GLS2: variants seen among roughly 807,000 people sequenced by gnomAD.
GLS2 encodes the protein glutaminase liver isoform, mitochondrial.
GLS2 carries 52 observed loss-of-function variants against 79.0 expected under a neutral mutation model. That is an observed-to-expected ratio of 0.66 (90% CI 0.53 to 0.83). GLS2 has a LOEUF of 0.83. Ranked by LOEUF, GLS2 falls within the 40% of genes least tolerant of loss-of-function variation. The pLI is 0.00. For missense variants in GLS2, 561 were observed against 764.8 expected, an observed-to-expected ratio of 0.73 and a Z score of 3.14; for synonymous variants, 238 against 280.8, an observed-to-expected ratio of 0.85 and a Z score of 1.52.
chr12:56,474,472 C>T (rs1282941096), intron 12 of GLS2, 72 bp downstream of exon 12: 1 of 1,577,600 alleles, frequency 6.3e-7, no homozygotes, highest in Non-Finnish European at 8.6e-7. Context: ...CCACCTCTAT[C>T]TTGAGAGAGT....
In GLS2 at chr12:56,483,026, A is replaced by C. The variant is rs1364653279; in HGVS notation, c.183-2639T>G. On this transcript the variant is annotated intron_variant, in intron 1 of 17. Transcript: ENST00000311966. ...TACAGGTATACTCACACACCTCAAAAATAACATATTTACAATTATTCATCA... is the reference window on the plus strand; with the variant it reads ...TACAGGTATACTCACACACCTCAAACATAACATATTTACAATTATTCATCA... Among the ~76,000 whole-genome samples, 11 of 152,246 alleles carry C rather than the reference A, an allele frequency of 7.2e-5. No individual in the cohort carries two copies. In the South Asian group the frequency reaches 1.7e-3, roughly 23 times the overall value.
At chr12:56,486,854 C>T (rs1195356527) in intron 1 of GLS2, among the ~76,000 whole-genome samples, 1 of 151,930 alleles carries the variant, frequency 6.6e-6, no homozygotes. Flanking sequence ...AGTGAGACTC[C>T]GTCTCAAAAA....
intron 7 of GLS2, chr12:56,476,385 A>C (rs775345595): frequency 6.8e-5 from 15 of 221,462 alleles, no homozygotes; most frequent in Non-Finnish European, 1.2e-4. Flanking sequence ...CATTTTCCTG[A>C]CTCGAATCCT....
At chr12:56,475,559 C>T (rs1407997572) in intron 9 of GLS2, 65 bp downstream of exon 9, 2 of 1,526,630 alleles carry the variant, frequency 1.3e-6, no homozygotes, top group African/African-American at 1.4e-5. Context: ...TTCCTCTTGT[C>T]CCCATCCTAA....
intron 6 of GLS2, 105 bp from the exon 7 acceptor site, chr12:56,477,823 A>G (rs1363382317): frequency 6.5e-7 from 1 of 1,539,388 alleles, no homozygotes; most frequent in Non-Finnish European, 8.8e-7. Flanking sequence ...GGAGAAAGGC[A>G]TGACAGGGCT....
intron 4 of GLS2, 123 bp from the exon 5 acceptor site, chr12:56,478,385 T>C (rs768501959): frequency 2.1e-6 from 2 of 969,966 alleles, no homozygotes; most frequent in Non-Finnish European, 3.1e-6. Flanking sequence ...GGCAGAGGGG[T>C]TCCCTCCTGC....
chr12:56,479,392 T>C, intron 3 of GLS2: 1 of 535,080 alleles, frequency 1.9e-6, no homozygotes, highest in Admixed American at 3.7e-5. Context: ...AGACACTATG[T>C]CTTGGGATAT....
intron 1 of GLS2, among the ~76,000 whole-genome samples, chr12:56,485,711 G>A (rs1257107233): frequency 2.0e-5 from 3 of 151,992 alleles, no homozygotes; most frequent in African/African-American, 7.3e-5. Context: ...CTTTGTGTTG[G>A]GATATTTTCC....
At chr12:56,476,104 A>G in intron 7 of GLS2, 127 bp from the exon 8 acceptor site, 1 of 829,614 alleles carries the variant, frequency 1.2e-6, no homozygotes. Context: ...CAATTTTATA[A>G]TGGCCCTTTT....
At position 56,475,624 on chromosome 12, in the gene GLS2, G is replaced by A. The variant is rs147014907; in HGVS notation, c.929C>T (p.Thr310Ile). 14 of 1,613,906 alleles carry A rather than the reference G, an allele frequency of 8.7e-6. No individual in the cohort carries two copies. Among genetic ancestry groups the A allele is most frequent in the African/African-American group, 6.7e-5 (5 of 74,886 alleles). ...GNEYMGFSNA[T>I]FQSEKETGDR... ...GTCAGTCCTCTGAGTAGGGACTTAC[G>A]TGGCATTGCTGAAACCCATGTATTC... Residue 310 changes from threonine to isoleucine, a missense_variant and splice_region_variant, in exon 9 of 18, where the codon ACA (threonine) becomes ATA (isoleucine). Transcript: ENST00000311966.
At chr12:56,474,470 A>G (rs1364774447) in intron 12 of GLS2, 74 bp downstream of exon 12, 1 of 1,576,258 alleles carries the variant, frequency 6.3e-7, no homozygotes, top group African/African-American at 1.3e-5. Context: ...TTCCACCTCT[A>G]TCTTGAGAGA....
chr12:56,487,813 G>C (rs926172548), intron 1 of GLS2, 124 bp downstream of exon 1: 2 of 1,155,068 alleles, frequency 1.7e-6, no homozygotes, highest in African/African-American at 1.6e-5. Context: ...AAAAGGCACC[G>C]AGGGCTAGTG....
At chr12:56,487,149 A>G (rs1421453017) in intron 1 of GLS2, among the ~76,000 whole-genome samples, 1 of 152,100 alleles carries the variant, frequency 6.6e-6, no homozygotes, top group Non-Finnish European at 1.5e-5. Context: ...GGAGGACAAG[A>G]TTTCCTGCTC....
rs1869983434 is a variant in GLS2, at chr12:56,478,113, G to A, written c.615-17C>T. On this transcript the variant is annotated splice_polypyrimidine_tract_variant and intron_variant, in intron 5 of 17. Coordinates refer to ENST00000311966, the MANE Select transcript of GLS2 (RefSeq NM_013267.4). ...ACAGAGTGCCTGGAGGCAGACAGATGCCATGAAAGGGGTTGGCCTGTGTTC... is the reference window on the plus strand; with the variant it reads ...ACAGAGTGCCTGGAGGCAGACAGATACCATGAAAGGGGTTGGCCTGTGTTC... The A allele has an allele frequency of 6.2e-7, 1 of 1,614,062 alleles. No individual in the cohort carries two copies. Among genetic ancestry groups the A allele is most frequent in the Non-Finnish European group, 8.5e-7 (1 of 1,179,934 alleles).
In GLS2 at chr12:56,488,061, G is replaced by T. The variant is rs769742323; in HGVS notation, c.58C>A (p.Arg20=). 8 of 1,582,588 alleles carry T rather than the reference G, an allele frequency of 5.1e-6. No homozygotes were observed. The highest frequency in any genetic ancestry group is 4.5e-5 in the South Asian group (4 of 88,804). ...ALSRAGSHCG[R]GGWGHPSRSP... ...CGGCTCGGGTGACCCCAGCCTCCTC[G>T]CCCGCAGTGACTGCCAGCCCGGCTC... The change falls in exon 1 of 18, where the codon CGA becomes AGA. Residue 20 remains arginine (R), a synonymous_variant. Coordinates refer to ENST00000311966, the MANE Select transcript of GLS2 (RefSeq NM_013267.4).
At chr12:56,474,747 T>C (rs1869642938) in intron 11 of GLS2, 27 bp from the exon 12 acceptor site, 1 of 1,609,766 alleles carries the variant, frequency 6.2e-7, no homozygotes, top group Non-Finnish European at 8.5e-7. Flanking sequence ...TAGGTGAAGA[T>C]GTGACGTGAA....
At chr12:56,484,872 C>T (rs1340581411) in intron 1 of GLS2, among the ~76,000 whole-genome samples, 2 of 152,106 alleles carry the variant, frequency 1.3e-5, no homozygotes, top group African/African-American at 4.8e-5. Flanking sequence ...GTAGTATCAG[C>T]ATGTATTTTA....
At chr12:56,480,966 T>C (rs1870230701) in intron 1 of GLS2, among the ~76,000 whole-genome samples, 1 of 152,208 alleles carries the variant, frequency 6.6e-6, no homozygotes, top group African/African-American at 2.4e-5. Context: ...CTATCTGTAA[T>C]ACAAGGGTAG....
chr12:56,484,933 A>G (rs1156740605), intron 1 of GLS2, among the ~76,000 whole-genome samples: 3 of 152,222 alleles, frequency 2.0e-5, no homozygotes, highest in Non-Finnish European at 4.4e-5. Context: ...ACATCAAATT[A>G]TCTCTGGGGG....
Sources: gnomAD v4.1 joint callset for allele counts (sites outside exome capture counted in the v4.1 genomes callset) on GRCh38, gnomAD v4.1.1 for gene constraint, MANE v1.5 for transcripts, NCBI Gene and HGNC (gene_info 2026-07-23, HGNC 2026-07-21) for gene names.